Variants in CDC42SE2 observed in about 807,000 individuals in gnomAD.
CDC42SE2 encodes the protein CDC42 small effector protein 2.
Under a neutral mutation model 11.5 loss-of-function variants are expected in CDC42SE2, and 3 were observed. The ratio of observed to expected loss-of-function variants is 0.26; its 90% CI spans 0.12 to 0.67. The LOEUF is 0.67. CDC42SE2 is among the 30% of genes least tolerant of loss of function. The probability of loss-of-function intolerance (pLI) is 0.80; values close to 1 mark genes in which losing one functional copy is unlikely to be tolerated. For synonymous variants in CDC42SE2, 33 were observed against 34.8 expected (o/e 0.95, Z 0.18); for missense variants, 82 against 106.8 (o/e 0.77, Z 1.02).
intron 3 of CDC42SE2, among the ~76,000 whole-genome samples, chr5:131,361,610 C>G (rs1285790913): frequency 1.3e-5 from 2 of 152,202 alleles, no homozygotes. Flanking sequence ...TACCTTGTCA[C>G]AGGGACAGAA....
chr5:131,274,760 A>G (rs1404137218), intron 1 of CDC42SE2, among the ~76,000 whole-genome samples: 1 of 151,694 alleles, frequency 6.6e-6, no homozygotes, highest in Non-Finnish European at 1.5e-5. Flanking sequence ...CCACATATAG[A>G]CCTCCCTGAG....
intron 3 of CDC42SE2, among the ~76,000 whole-genome samples, chr5:131,363,944 C>T (rs897779765): frequency 6.6e-6 from 1 of 152,192 alleles, no homozygotes; most frequent in Non-Finnish European, 1.5e-5. Context: ...ATCCTCCTGC[C>T]TCAGCCTTCC....
chr5:131,265,056 C>A (rs1276419830), intron 1 of CDC42SE2, among the ~76,000 whole-genome samples: 1 of 152,010 alleles, frequency 6.6e-6, no homozygotes, highest in Non-Finnish European at 1.5e-5. Flanking sequence ...TATCTCACAT[C>A]TAGTAAAATT....
intron 2 of CDC42SE2, among the ~76,000 whole-genome samples, chr5:131,324,533 A>G (rs1366241194): frequency 6.6e-6 from 1 of 152,236 alleles, no homozygotes; most frequent in East Asian, 1.9e-4. Context: ...AACAAGGCCT[A>G]GGAGAAAAGA....
chr5:131,379,565 T>C (rs959816772), intron 3 of CDC42SE2, among the ~76,000 whole-genome samples: 2 of 152,198 alleles, frequency 1.3e-5, no homozygotes, highest in Non-Finnish European at 2.9e-5. Flanking sequence ...CTCGCCTCCT[T>C]GGATATACTC....
intron 2 of CDC42SE2, among the ~76,000 whole-genome samples, chr5:131,356,951 C>A (rs940962969): frequency 3.9e-5 from 6 of 151,986 alleles, no homozygotes; most frequent in South Asian, 2.1e-4. Flanking sequence ...TCTTAATGGG[C>A]AAGATTTTTG....
chr5:131,241,771 T>A (rs1196757857), upstream of CDC42SE2, among the ~76,000 whole-genome samples: 1 of 152,146 alleles, frequency 6.6e-6, no homozygotes, highest in Non-Finnish European at 1.5e-5. Flanking sequence ...AAGCGTTTCT[T>A]CAAATGTCAT....
chr5:131,226,058 C>T, the CDC42SE2 span, among the ~76,000 whole-genome samples: 2 of 152,202 alleles, frequency 1.3e-5, no homozygotes, highest in East Asian at 1.9e-4. Context: ...AACCTGGAAC[C>T]GAAGGATAAT....
At chr5:131,365,339 G>A (rs1749823089) in intron 3 of CDC42SE2, among the ~76,000 whole-genome samples, 1 of 151,994 alleles carries the variant, frequency 6.6e-6, no homozygotes. Context: ...CAGCCTCAGA[G>A]GATGAACCAA....
intron 3 of CDC42SE2, among the ~76,000 whole-genome samples, chr5:131,384,554 G>A (rs1337098736): frequency 6.6e-6 from 1 of 152,108 alleles, no homozygotes. Flanking sequence ...ACCCAACGTG[G>A]CCAGTGGTCT....
chr5:131,314,864 C>A (rs1342148915), intron 1 of CDC42SE2, among the ~76,000 whole-genome samples: 4 of 152,072 alleles, frequency 2.6e-5, no homozygotes, highest in Non-Finnish European at 4.4e-5. Context: ...TAATATGGAA[C>A]CTTGACACTT....
chr5:131,252,402 C>T (rs1456804091), intron 1 of CDC42SE2, among the ~76,000 whole-genome samples: 1 of 152,174 alleles, frequency 6.6e-6, no homozygotes, highest in African/African-American at 2.4e-5. Context: ...GCCTGTAATC[C>T]CAGCACTTTG....
chr5:131,278,076 C>T (rs1240396480), intron 1 of CDC42SE2, among the ~76,000 whole-genome samples: 6 of 152,128 alleles, frequency 3.9e-5, no homozygotes, highest in Non-Finnish European at 7.3e-5. Flanking sequence ...TCACTGCAGC[C>T]TTTGGTCCTA....
At chr5:131,361,683 G>A (rs1159445167) in intron 3 of CDC42SE2, among the ~76,000 whole-genome samples, 1 of 152,134 alleles carries the variant, frequency 6.6e-6, no homozygotes, top group Non-Finnish European at 1.5e-5. Flanking sequence ...ACGTGGGCTT[G>A]GAGAAGGAGT....
chr5:131,328,124 G>A (rs1439771774), intron 2 of CDC42SE2, among the ~76,000 whole-genome samples: 2 of 152,048 alleles, frequency 1.3e-5, no homozygotes, highest in Non-Finnish European at 2.9e-5. Flanking sequence ...TAATCTTTTG[G>A]GGATTTGGTT....
chr5:131,287,638 T>C (rs185589943), intron 1 of CDC42SE2, among the ~76,000 whole-genome samples: 397 of 151,906 alleles, frequency 2.6e-3, no homozygotes, highest in Non-Finnish European at 4.6e-3. Flanking sequence ...TTTTTTTCTT[T>C]TTTTTTGCAT....
At chr5:131,220,911 G>T in the CDC42SE2 span, among the ~76,000 whole-genome samples, 2 of 145,214 alleles carry the variant, frequency 1.4e-5, no homozygotes, top group African/African-American at 5.2e-5. Context: ...TTGAGATGGA[G>T]TTTCACCCTG....
chr5:131,386,572 G>A (rs552604808), intron 4 of CDC42SE2, among the ~76,000 whole-genome samples: 15 of 152,310 alleles, frequency 9.8e-5, no homozygotes, highest in African/African-American at 3.4e-4. Flanking sequence ...AGGTTTCAGT[G>A]AGTTTCAGAA....
chr5:131,228,647 A>G, the CDC42SE2 span, among the ~76,000 whole-genome samples: 2 of 152,228 alleles, frequency 1.3e-5, no homozygotes, highest in Non-Finnish European at 2.9e-5. Context: ...TATCCTCATC[A>G]TGGACAGAAT....
Sources: gnomAD v4.1 joint callset for allele counts (sites outside exome capture counted in the v4.1 genomes callset) on GRCh38, gnomAD v4.1.1 for gene constraint, MANE v1.5 for transcripts, NCBI Gene and HGNC (gene_info 2026-07-23, HGNC 2026-07-21) for gene names.